The following VIPR1 variants were observed in gnomAD, a reference collection of about 807,000 sequenced individuals.
VIPR1 encodes the protein vasoactive intestinal polypeptide receptor 1.
VIPR1 carries 59 observed loss-of-function variants against 58.8 expected under a neutral mutation model. The observed-to-expected ratio is 1.00, with a 90% CI of 0.81 to 1.25. The LOEUF (loss-of-function observed/expected upper bound fraction) is 1.25, where lower values mean the gene tolerates loss of function less well. Among genes scored for constraint, VIPR1 ranks in the 50% most tolerant of loss-of-function variants. The pLI is 0.00. For synonymous variants in VIPR1, 251 were observed against 242.1 expected, an observed-to-expected ratio of 1.04 and a Z score of -0.34; for missense variants, 626 against 602.7, an observed-to-expected ratio of 1.04 and a Z score of -0.40.
chr3:42,531,766 G>A (rs915097383), intron 8 of VIPR1, 37 bp from the exon 9 acceptor site: 6 of 1,613,474 alleles, frequency 3.7e-6, no homozygotes, highest in Non-Finnish European at 5.1e-6. Flanking sequence ...CTCTGGCTGA[G>A]GACAATCCCT....
At chr3:42,499,559 G>A (rs1050228697), upstream of VIPR1, among the ~76,000 whole-genome samples, 6 of 152,306 alleles carry the variant, frequency 3.9e-5, no homozygotes, top group African/African-American at 1.2e-4. Context: ...GGATCCCAGA[G>A]GGGAGACTTC....
At chr3:42,535,159 C>A (rs1701778657) in intron 11 of VIPR1, 55 bp downstream of exon 11, 46 of 1,612,132 alleles carry the variant, frequency 2.9e-5, no homozygotes, top group Non-Finnish European at 3.7e-5. Context: ...GGGAATTCAA[C>A]CTGGAGTCTT....
At chr3:42,530,492 T>G (rs1577251582) in intron 6 of VIPR1, 1 of 352,356 alleles carries the variant, frequency 2.8e-6, no homozygotes, top group Non-Finnish European at 5.3e-6. Flanking sequence ...CATGGATAGG[T>G]GGGTAGATGA....
chr3:42,532,334 G>GT lies in VIPR1; in HGVS notation c.1010+2dup. ...GGAAGAGTGACAGCAGTCCATACTC[G>GT]TGAGTGTGGGCCTAGTGCCTCAGCC... On this transcript the variant is annotated splice_donor_variant, in intron 10 of 12. Coordinates refer to ENST00000325123, the MANE Select transcript of VIPR1 (RefSeq NM_004624.4). LOFTEE classifies it high-confidence loss of function. 1 of 1,613,302 alleles carries GT rather than the reference G, an allele frequency of 6.2e-7. No individual in the cohort carries two copies. Among genetic ancestry groups the GT allele is most frequent in the Non-Finnish European group, 8.5e-7 (1 of 1,179,332 alleles).
Position 42,530,942 on chromosome 3 carries a change from C to A in VIPR1, c.790+10C>A, listed in dbSNP as rs199748405. ...ATACTCATCGGCTGGGGTATGGTACCAGGGAGGGCTTCCAGGCTGGGGACA... is the reference window on the plus strand; with the variant it reads ...ATACTCATCGGCTGGGGTATGGTACAAGGGAGGGCTTCCAGGCTGGGGACA... On this transcript the variant is annotated intron_variant, in intron 7 of 12. Transcript: ENST00000325123. 9.4e-5 allele frequency: 152 copies of A among 1,613,650 alleles called. No homozygotes were observed. The highest frequency in any genetic ancestry group is 1.2e-4 in the Non-Finnish European group (142 of 1,179,742).
intron 1 of VIPR1, among the ~76,000 whole-genome samples, chr3:42,490,263 A>G (rs113379688): frequency 1.4e-3 from 217 of 152,340 alleles, no homozygotes; most frequent in Middle Eastern, 3.4e-3. Flanking sequence ...CGGTCAATTC[A>G]GGGTGGCTTC....
At chr3:42,526,171 T>A (rs1279622551) in intron 4 of VIPR1, among the ~76,000 whole-genome samples, 178 bp downstream of exon 4, 1 of 152,168 alleles carries the variant, frequency 6.6e-6, no homozygotes, top group Non-Finnish European at 1.5e-5. Context: ...TGGCTCCCCC[T>A]GACAGGGTAT....
At chr3:42,534,154 G>A (rs1343018274) in intron 10 of VIPR1, 4 of 152,598 alleles carry the variant, frequency 2.6e-5, no homozygotes, top group African/African-American at 9.6e-5. Context: ...CTGGTGTGGG[G>A]AGGTAGGAGG....
intron 3 of VIPR1, among the ~76,000 whole-genome samples, chr3:42,522,101 A>ATTTTT (rs1158302778): frequency 2.8e-5 from 1 of 35,368 alleles, no homozygotes; most frequent in African/African-American, 1.1e-4. Context: ...ATATATATAT[A>ATTTTT]TTTTTTTTTT....
intron 1 of VIPR1, among the ~76,000 whole-genome samples, chr3:42,512,573 G>T (rs1344225013): frequency 6.6e-6 from 1 of 152,134 alleles, no homozygotes; most frequent in Non-Finnish European, 1.5e-5. Context: ...CTCTAAGTCG[G>T]CAGGGGAGGT....
Position 42,527,655 on chromosome 3 carries a change from GGC to G in VIPR1, c.503+160_503+161del, listed in dbSNP as rs550887183. ...TGCCAGGCCAGCTTCCCCTGGAGAA[GGC>G]AGGTGGCTGAGCTCTTCCATGTGTT... On this transcript the variant is annotated intron_variant, in intron 5 of 12. Transcript: ENST00000325123. 355 of 721,792 alleles carry G rather than the reference GGC, an allele frequency of 4.9e-4. 2 individuals carry two copies. The highest frequency in any genetic ancestry group is 1.6e-3 in the South Asian group (92 of 57,050). The allele number at this position is 721,792 out of a possible 1,614,324, so 44.7% of individuals were successfully genotyped here. A position where few individuals can be genotyped will look rare whatever the true frequency, so the allele number is the denominator to read the frequency against.
At chr3:42,531,934 A>G (rs1701578817) in intron 9 of VIPR1, 65 bp downstream of exon 9, 2 of 1,579,198 alleles carry the variant, frequency 1.3e-6, no homozygotes, top group Non-Finnish European at 1.7e-6. Context: ...ACTTAGCCCA[A>G]GGTCACATGG....
rs776822631 is a variant in VIPR1 at position 42,535,023 on chromosome 3, C to G, written c.1059C>G (p.His353Gln). Reference protein sequence around the residue: ...TLLLIPLFGVHYIMFAFFPDN... With the variant: ...TLLLIPLFGVQYIMFAFFPDN... The stretch of plus-strand genomic sequence containing the variant: ...TGCTGATCCCCCTGTTTGGAGTACA[C>G]TACATCATGTTCGCCTTCTTTCCGG... The change falls in exon 11 of 13, where the codon CAC becomes CAG. Residue 353 changes from histidine (H) to glutamine (Q), a missense_variant. By Grantham distance (24) the His-to-Gln change is conservative. Coordinates refer to ENST00000325123, the MANE Select transcript of VIPR1 (RefSeq NM_004624.4). 1 of 1,614,210 alleles carries G rather than the reference C, an allele frequency of 6.2e-7. No homozygotes were observed.
chr3:42,502,329 G>A (rs900463957), upstream of VIPR1: 1 of 159,582 alleles, frequency 6.3e-6, no homozygotes, highest in Non-Finnish European at 1.4e-5. Flanking sequence ...TGGATACAGA[G>A]GTGGGAGCTT....
chr3:42,512,107 C>T (rs931336570), intron 1 of VIPR1: 1 of 152,234 alleles, frequency 6.6e-6, no homozygotes, highest in Admixed American at 6.5e-5. Flanking sequence ...AGATGGAGCT[C>T]GTGCTCACTG....
chr3:42,530,433 G>GT (rs1701472094), intron 6 of VIPR1: 1 of 241,834 alleles, frequency 4.1e-6, no homozygotes, highest in African/African-American at 2.2e-5. Flanking sequence ...GGATAAATGA[G>GT]TGAGTTGATA....
rs762386402 is a variant in VIPR1, at chr3:42,527,994, G to T, written c.507G>T (p.Lys169Asn). The T allele has an allele frequency of 3.1e-6, 5 of 1,613,820 alleles. No individual in the cohort carries two copies. Among genetic ancestry groups the T allele is most frequent in the Non-Finnish European group, 3.4e-6 (4 of 1,179,850 alleles). The change falls in exon 6 of 13, where the codon AAG becomes AAT. Residue 169 changes from lysine to asparagine, a missense_variant. Transcript: ENST00000325123. ...VATAILSLFR[K>N]LHCTRNYIHM... ...CAGATCTGCCCACCCCACACAGGAA[G>T]CTCCACTGCACGCGGAACTACATCC... is the stretch of plus-strand genomic sequence containing the variant.
At chr3:42,532,813 C>T (rs1000954513) in intron 10 of VIPR1, 3 of 181,018 alleles carry the variant, frequency 1.7e-5, no homozygotes, top group Admixed American at 5.4e-5. Context: ...CAGGCACACG[C>T]TAAGGGATTT....
chr3:42,528,499 T>C, intron 6 of VIPR1: 1 of 220,208 alleles, frequency 4.5e-6, no homozygotes. Context: ...AATTCCAAGA[T>C]TCCTTCCAAC....
Sources: allele counts gnomAD v4.1 joint callset (sites outside exome capture counted in the v4.1 genomes callset), GRCh38; gene constraint gnomAD v4.1.1; transcripts MANE v1.5; gene names NCBI Gene and HGNC (gene_info 2026-07-23, HGNC 2026-07-21).